SDAD1: variants seen among roughly 807,000 people sequenced by gnomAD.
The protein encoded by SDAD1 is protein SDA1 homolog.
A neutral mutation model predicts 100.3 loss-of-function variants in SDAD1; 79 were observed. That is an observed-to-expected ratio of 0.79 (90% CI 0.66 to 0.95). The LOEUF is 0.95. Among genes scored for constraint, SDAD1 ranks in the 40% least tolerant of loss-of-function variants. The probability of loss-of-function intolerance (pLI) is 0.00; values close to 1 mark genes in which losing one functional copy is unlikely to be tolerated. For missense variants in SDAD1, 790 were observed against 810.9 expected, an observed-to-expected ratio of 0.97 and a Z score of 0.31; for synonymous variants, 267 against 271.4, an observed-to-expected ratio of 0.98 and a Z score of 0.16.
intron 1 of SDAD1, among the ~76,000 whole-genome samples, chr4:75,982,492 AC>A (rs1478392026): frequency 6.6e-6 from 1 of 152,026 alleles, no homozygotes; most frequent in Non-Finnish European, 1.5e-5. Flanking sequence ...TACAAAAAAT[AC>A]AAAAATTAGC....
At chr4:75,967,468 C>T (rs970690363) in intron 11 of SDAD1, 134 bp from the exon 12 acceptor site, 1 of 721,252 alleles carries the variant, frequency 1.4e-6, no homozygotes, top group Non-Finnish European at 2.4e-6. Flanking sequence ...GCAATCATGC[C>T]CTAGGATGAT....
intron 4 of SDAD1, among the ~76,000 whole-genome samples, chr4:75,977,013 AC>A (rs1462144213): frequency 6.6e-6 from 1 of 152,084 alleles, no homozygotes; most frequent in Admixed American, 6.6e-5. Context: ...CTGGTCTCAA[AC>A]TCCTGGACTC....
intron 21 of SDAD1, among the ~76,000 whole-genome samples, chr4:75,951,872 CTT>C (rs1029868012): frequency 6.6e-6 from 1 of 152,156 alleles, no homozygotes; most frequent in Non-Finnish European, 1.5e-5. Flanking sequence ...GTCCTAGAAA[CTT>C]TTAAAAATCT....
rs188252164 is a variant in SDAD1, at chr4:75,954,145, A to G, written c.2016+1830T>C. 1.1e-3 allele frequency among the ~76,000 whole-genome samples: 160 copies of G among 152,056 alleles called. 1 individual carries two copies. The highest frequency in any genetic ancestry group is 3.7e-3 in the African/African-American group (152 of 41,502). On this transcript the variant is annotated intron_variant, in intron 21 of 21. Transcript: ENST00000356260. ...GCCTGTAATCCCAGCACTTTGGGAG[A>G]CCGAGGCAGGCAGATCACGAGGTCA...
chr4:75,985,499 A>C (rs901457895), intron 1 of SDAD1, among the ~76,000 whole-genome samples: 3 of 152,210 alleles, frequency 2.0e-5, no homozygotes, highest in African/African-American at 7.2e-5. Context: ...ATCTTATGCC[A>C]CAAGACCCAC....
chr4:75,961,184 G>A (rs1422171310), intron 15 of SDAD1, 27 bp downstream of exon 15: 3 of 1,600,904 alleles, frequency 1.9e-6, no homozygotes, highest in East Asian at 4.5e-5. Context: ...GTACTCTTTG[G>A]TGTGTAGAGA....
chr4:75,983,728 T>C (rs1335540200), intron 1 of SDAD1, among the ~76,000 whole-genome samples: 1 of 152,188 alleles, frequency 6.6e-6, no homozygotes, highest in Non-Finnish European at 1.5e-5. Context: ...TTTTCTCCCA[T>C]TCTGTAGGTT....
At chr4:75,961,352 T>C in intron 14 of SDAD1, 44 bp from the exon 15 acceptor site, 1 of 1,389,514 alleles carries the variant, frequency 7.2e-7, no homozygotes, top group Non-Finnish European at 1.0e-6. Context: ...GAATAGCAAT[T>C]TTTTCATGAT....
chr4:75,960,324 T>C, intron 16 of SDAD1, 132 bp from the exon 17 acceptor site: 4 of 786,360 alleles, frequency 5.1e-6, no homozygotes, highest in Non-Finnish European at 7.5e-6. Context: ...TTGCCCAGAC[T>C]GGAGTGCAGT....
At chr4:75,961,790 A>G (rs1729245515) in intron 14 of SDAD1, among the ~76,000 whole-genome samples, 2 of 152,330 alleles carry the variant, frequency 1.3e-5, no homozygotes, top group Admixed American at 1.3e-4. Flanking sequence ...GAGTGCTTCA[A>G]TAATAAATCA....
chr4:75,980,464 T>C (rs1730437082), intron 3 of SDAD1, among the ~76,000 whole-genome samples: 1 of 152,250 alleles, frequency 6.6e-6, no homozygotes, highest in Non-Finnish European at 1.5e-5. Context: ...CGTACTTATC[T>C]GCTGTAAAGA....
chr4:75,974,402 C>G (rs934546736), intron 6 of SDAD1, among the ~76,000 whole-genome samples: 1 of 110,910 alleles, frequency 9.0e-6, no homozygotes, highest in Admixed American at 8.7e-5. Flanking sequence ...TAGTCAAGTG[C>G]AAAAAAAAAA....
At chr4:75,965,355 C>T (rs952896348) in intron 13 of SDAD1, among the ~76,000 whole-genome samples, 13 of 152,274 alleles carry the variant, frequency 8.5e-5, no homozygotes, top group Admixed American at 2.6e-4. Context: ...AATGACAATG[C>T]GTGCCCGAAA....
Position 75,975,910 on chromosome 4 carries a change from A to G in SDAD1, c.477+14T>C, listed in dbSNP as rs1347806684. The G allele has an allele frequency of 1.1e-5, 18 of 1,600,994 alleles. No homozygotes were observed. The highest frequency in any genetic ancestry group is 1.4e-5 in the Non-Finnish European group (16 of 1,168,234). On this transcript the variant is annotated intron_variant, in intron 5 of 21. Coordinates refer to ENST00000356260, the MANE Select transcript of SDAD1 (RefSeq NM_018115.4). ...GTACAATGCTGCAAACATGGAAGACAGAAGAGTACTTACTACATTCACTTT... is the reference window on the plus strand; with the variant it reads ...GTACAATGCTGCAAACATGGAAGACGGAAGAGTACTTACTACATTCACTTT...
chr4:75,989,992 G>A (rs1457108526), intron 1 of SDAD1, among the ~76,000 whole-genome samples: 3 of 152,182 alleles, frequency 2.0e-5, no homozygotes, highest in Admixed American at 2.0e-4. Flanking sequence ...AGAGATACCT[G>A]TTTAATGCCC....
chr4:75,955,471 G>A (rs957912912), intron 21 of SDAD1, among the ~76,000 whole-genome samples: 6 of 152,138 alleles, frequency 3.9e-5, no homozygotes, highest in African/African-American at 1.4e-4. Flanking sequence ...AATAATCACT[G>A]GAGCCTGGGA....
intron 4 of SDAD1, among the ~76,000 whole-genome samples, chr4:75,976,235 T>A (rs1449789681): frequency 1.3e-5 from 2 of 152,134 alleles, no homozygotes; most frequent in East Asian, 3.9e-4. Flanking sequence ...TAGGTATATA[T>A]CCTAGAAAAT....
In SDAD1 at chr4:75,950,468, C is replaced by A; in HGVS notation, c.*282G>T. 1 of 324,542 alleles carries A rather than the reference C, an allele frequency of 3.1e-6. No individual in the cohort carries two copies. The highest frequency in any genetic ancestry group is 5.9e-6 in the Non-Finnish European group (1 of 170,342). 20.1% of individuals were successfully genotyped at this position (324,542 alleles called of 1,614,324 possible). On this transcript the variant is annotated 3_prime_UTR_variant, in exon 22 of 22. Transcript: ENST00000356260. ...TTGAGTGAAGGGGTTACAGCTCATT[C>A]GTTTTGCATCTACAGTGACAATGAA...
chr4:75,978,044 GA>G (rs1730256634), intron 3 of SDAD1, among the ~76,000 whole-genome samples: 4 of 152,112 alleles, frequency 2.6e-5, no homozygotes, highest in Admixed American at 2.6e-4. Context: ...GGGCCACAGG[GA>G]GGTCAAGTAA....
Sources: allele counts gnomAD v4.1 joint callset (sites outside exome capture counted in the v4.1 genomes callset), GRCh38; gene constraint gnomAD v4.1.1; transcripts MANE v1.5; gene names NCBI Gene and HGNC (gene_info 2026-07-23, HGNC 2026-07-21).